The following IMMP2L variants were observed in gnomAD, a reference collection of about 807,000 sequenced individuals.
IMMP2L encodes mitochondrial inner membrane protease subunit 2.
In IMMP2L, 18 loss-of-function variants were observed where a neutral mutation model predicts 19.3. The ratio of observed to expected loss-of-function variants is 0.93; its 90% CI spans 0.64 to 1.38. The LOEUF (loss-of-function observed/expected upper bound fraction) is 1.38. IMMP2L is among the 40% of genes most tolerant of loss of function. IMMP2L has a pLI of 0.00. For missense variants in IMMP2L, 233 were observed against 218.2 expected (o/e 1.07, Z -0.43); for synonymous variants, 76 against 73.0 (o/e 1.04, Z -0.21).
intron 3 of IMMP2L, among the ~76,000 whole-genome samples, chr7:111,299,855 A>C (rs748369215): frequency 1.3e-5 from 2 of 152,124 alleles, no homozygotes; most frequent in Admixed American, 6.6e-5. Flanking sequence ...AAAGAGAACA[A>C]AAGGACTAAC....
chr7:110,967,237 C>T (rs1184388914), intron 3 of IMMP2L, among the ~76,000 whole-genome samples: 1 of 151,942 alleles, frequency 6.6e-6, no homozygotes, highest in Non-Finnish European at 1.5e-5. Context: ...ATAGAATTTC[C>T]AGTCTCTGTC....
chr7:111,260,474 C>T (rs953788786), intron 3 of IMMP2L, among the ~76,000 whole-genome samples: 2 of 152,092 alleles, frequency 1.3e-5, no homozygotes, highest in Non-Finnish European at 2.9e-5. Context: ...CAGTTCACTA[C>T]AGAGCAGAAT....
At chr7:110,968,478 G>T (rs142971483) in intron 3 of IMMP2L, among the ~76,000 whole-genome samples, 1 of 152,162 alleles carries the variant, frequency 6.6e-6, no homozygotes, top group African/African-American at 2.4e-5. Context: ...TTCGAGACCA[G>T]CCTTGGGCAA....
intron 5 of IMMP2L, among the ~76,000 whole-genome samples, chr7:110,842,468 G>T (rs1386021649): frequency 6.6e-6 from 1 of 152,166 alleles, no homozygotes; most frequent in African/African-American, 2.4e-5. Context: ...GGAAGGCCTG[G>T]GGCTGGCAAG....
chr7:111,249,546 C>T (rs112308498), intron 3 of IMMP2L, among the ~76,000 whole-genome samples: 1 of 152,124 alleles, frequency 6.6e-6, no homozygotes, highest in Non-Finnish European at 1.5e-5. Flanking sequence ...GCTCCTCCCC[C>T]TCTTGTTGCT....
intron 2 of IMMP2L, among the ~76,000 whole-genome samples, chr7:111,498,213 A>G (rs932436371): frequency 6.6e-6 from 1 of 152,170 alleles, no homozygotes. Context: ...TAATTATAAA[A>G]TACTACCATT....
chr7:111,157,811 T>A (rs1317326541), intron 3 of IMMP2L, among the ~76,000 whole-genome samples: 2 of 152,226 alleles, frequency 1.3e-5, no homozygotes, highest in African/African-American at 2.4e-5. Context: ...ACACATTGTA[T>A]ACCCATATCA....
At chr7:111,243,638 G>T (rs1161181267) in intron 3 of IMMP2L, among the ~76,000 whole-genome samples, 2 of 116,466 alleles carry the variant, frequency 1.7e-5, no homozygotes, top group African/African-American at 6.7e-5. Flanking sequence ...CTAGCATTAG[G>T]TATATCTCCC....
intron 5 of IMMP2L, among the ~76,000 whole-genome samples, chr7:110,850,947 G>C (rs756699068): frequency 6.6e-6 from 1 of 151,746 alleles, no homozygotes; most frequent in Admixed American, 6.6e-5. Flanking sequence ...AAAACAATTT[G>C]CTAAAGAAAA....
intron 3 of IMMP2L, among the ~76,000 whole-genome samples, chr7:111,415,088 C>T (rs1018701589): frequency 6.6e-6 from 1 of 151,772 alleles, no homozygotes; most frequent in Non-Finnish European, 1.5e-5. Context: ...TTCTGGGAGT[C>T]CTTAAAAGGG....
At chr7:110,732,790 TTC>T (rs1796354524) in intron 5 of IMMP2L, among the ~76,000 whole-genome samples, 2 of 151,510 alleles carry the variant, frequency 1.3e-5, no homozygotes, top group Non-Finnish European at 2.9e-5. Context: ...CACAATGAAT[TTC>T]TTTTTTTTTT....
chr7:111,170,195 A>G (rs59891228), intron 3 of IMMP2L, among the ~76,000 whole-genome samples: 13,201 of 151,898 alleles, frequency 0.087, 767 homozygotes, highest in African/African-American at 0.15. Flanking sequence ...ATAAAAGAAT[A>G]TAAGGTCTCT....
At chr7:110,811,466 A>T (rs573313791) in intron 5 of IMMP2L, among the ~76,000 whole-genome samples, 2 of 152,180 alleles carry the variant, frequency 1.3e-5, no homozygotes, top group African/African-American at 4.8e-5. Flanking sequence ...TATAAATATC[A>T]TTCTGGGCTT....
At position 111,298,777 on chromosome 7, in the gene IMMP2L, C is replaced by A. The variant is rs1821898851; in HGVS notation, c.239+188461G>T. 1.4e-5 allele frequency among the ~76,000 whole-genome samples: 2 copies of A among 147,762 alleles called. 1 individual carries two copies. Among genetic ancestry groups the A allele is most frequent in the East Asian group, 4.0e-4 (2 of 5,004 alleles). ...CTGCCTCAAAAAAAAAAAAAAGCAG[C>A]CGATCTTTTTTTCAAGGATATACAT... is the stretch of plus-strand genomic sequence containing the variant. On this transcript the variant is annotated intron_variant, in intron 3 of 5. Coordinates refer to ENST00000405709, the MANE Select transcript of IMMP2L (RefSeq NM_032549.4).
At chr7:110,910,954 A>T (rs1356800512) in intron 4 of IMMP2L, among the ~76,000 whole-genome samples, 1 of 152,126 alleles carries the variant, frequency 6.6e-6, no homozygotes, top group African/African-American at 2.4e-5. Flanking sequence ...TTGAACAGAG[A>T]ATGTAGCAAA....
At chr7:111,233,136 C>G (rs550696930) in intron 3 of IMMP2L, among the ~76,000 whole-genome samples, 2 of 152,104 alleles carry the variant, frequency 1.3e-5, no homozygotes, top group African/African-American at 4.8e-5. Flanking sequence ...TGAATGTACA[C>G]TTTATCCAAT....
chr7:110,681,641 C>T (rs964837409), intron 5 of IMMP2L, among the ~76,000 whole-genome samples: 24 of 152,262 alleles, frequency 1.6e-4, no homozygotes, highest in Non-Finnish European at 2.5e-4. Flanking sequence ...ATGCAAAGGC[C>T]TACTACATGC....
At chr7:111,234,619 A>C (rs1256460217) in intron 3 of IMMP2L, among the ~76,000 whole-genome samples, 1 of 151,922 alleles carries the variant, frequency 6.6e-6, no homozygotes, top group African/African-American at 2.4e-5. Context: ...TACTGCTTTT[A>C]TCTGCCCTCA....
chr7:110,967,313 A>G (rs539349152), intron 3 of IMMP2L, among the ~76,000 whole-genome samples: 22 of 152,004 alleles, frequency 1.4e-4, no homozygotes, highest in Non-Finnish European at 2.6e-4. Flanking sequence ...AGCACTTGAA[A>G]GCTACTTTGG....
Sources: gnomAD v4.1 joint callset for allele counts (sites outside exome capture counted in the v4.1 genomes callset) on GRCh38, gnomAD v4.1.1 for gene constraint, MANE v1.5 for transcripts, NCBI Gene and HGNC (gene_info 2026-07-23, HGNC 2026-07-21) for gene names.